ADGRB3: variants seen among roughly 807,000 people sequenced by gnomAD.
The protein encoded by ADGRB3 is brain-specific angiogenesis inhibitor 3.
A neutral mutation model predicts 193.4 loss-of-function variants in ADGRB3; 37 were observed. That is an observed-to-expected ratio of 0.19 (90% CI 0.15 to 0.25). ADGRB3 has a LOEUF of 0.25. ADGRB3 is among the 10% of genes least tolerant of loss of function. The pLI is 1.00. For missense variants in ADGRB3, 1,637 were observed against 1,852.9 expected (o/e 0.88, Z 2.14); for synonymous variants, 690 against 644.2 (o/e 1.07, Z -1.08).
At chr6:68,756,232 T>A (rs1766296711) in intron 3 of ADGRB3, among the ~76,000 whole-genome samples, 1 of 152,156 alleles carries the variant, frequency 6.6e-6, no homozygotes, top group Non-Finnish European at 1.5e-5. Context: ...ATGAAAAAAT[T>A]GCCTTGGTAT....
chr6:68,771,785 G>A (rs550619333), intron 3 of ADGRB3, among the ~76,000 whole-genome samples: 15 of 152,192 alleles, frequency 9.9e-5, no homozygotes, highest in African/African-American at 3.4e-4. Flanking sequence ...GGGTAGGGAA[G>A]GGGTTTTCTG....
intron 17 of ADGRB3, among the ~76,000 whole-genome samples, chr6:69,121,565 A>G (rs1773687752): frequency 6.6e-6 from 1 of 151,964 alleles, no homozygotes; most frequent in African/African-American, 2.4e-5. Flanking sequence ...AGCCTGGCAG[A>G]GGCACACCTC....
At chr6:68,997,362 A>G (rs13205140) in intron 11 of ADGRB3, among the ~76,000 whole-genome samples, 17,463 of 151,804 alleles carry the variant, frequency 0.12, 1,262 homozygotes, top group African/African-American at 0.21. Flanking sequence ...TGTGAATTAA[A>G]CCAGGCGCAG....
chr6:69,377,862 A>G (rs1256620339), intron 30 of ADGRB3, among the ~76,000 whole-genome samples: 3 of 152,102 alleles, frequency 2.0e-5, no homozygotes, highest in East Asian at 1.9e-4. Context: ...TTTACAAGTC[A>G]TTTGTATTAA....
intron 3 of ADGRB3, among the ~76,000 whole-genome samples, chr6:68,685,745 T>C (rs62416534): frequency 5.3e-5 from 8 of 151,304 alleles, no homozygotes; most frequent in Non-Finnish European, 7.4e-5. Context: ...AAAAAAAAAT[T>C]AGCCGGGCAT....
chr6:68,956,327 GTA>G (rs1296351991), intron 7 of ADGRB3, 139 bp downstream of exon 7: 3 of 855,530 alleles, frequency 3.5e-6, no homozygotes, highest in African/African-American at 1.7e-5. Flanking sequence ...GTGTGTGTGT[GTA>G]TACATGTATT....
intron 17 of ADGRB3, among the ~76,000 whole-genome samples, chr6:69,095,523 G>GGA (rs1473650513): frequency 6.6e-6 from 1 of 152,152 alleles, no homozygotes; most frequent in African/African-American, 2.4e-5. Flanking sequence ...GTAAGGCAGG[G>GGA]AAGACTGGTT....
chr6:69,026,728 A>G (rs899629771), intron 13 of ADGRB3, among the ~76,000 whole-genome samples: 1 of 152,220 alleles, frequency 6.6e-6, no homozygotes, highest in Non-Finnish European at 1.5e-5. Flanking sequence ...CTCCTAGGCT[A>G]CAAACCTACA....
chr6:68,716,359 C>T (rs1765489518), intron 3 of ADGRB3, among the ~76,000 whole-genome samples: 1 of 151,606 alleles, frequency 6.6e-6, no homozygotes, highest in Non-Finnish European at 1.5e-5. Flanking sequence ...ATTATCCTGC[C>T]TGATTCTTGC....
chr6:69,375,012 G>A (rs984932509), intron 30 of ADGRB3, among the ~76,000 whole-genome samples: 3 of 152,098 alleles, frequency 2.0e-5, no homozygotes, highest in Non-Finnish European at 4.4e-5. Flanking sequence ...GAAAAGGCAT[G>A]TAGGTTGGCT....
At chr6:69,285,551 A>C (rs768100186) in intron 20 of ADGRB3, among the ~76,000 whole-genome samples, 25 of 152,012 alleles carry the variant, frequency 1.6e-4, no homozygotes, top group Non-Finnish European at 2.1e-4. Context: ...GGTGCCTGTA[A>C]TCCCAGCTAC....
intron 13 of ADGRB3, among the ~76,000 whole-genome samples, chr6:69,036,479 AC>A (rs1444939677): frequency 6.6e-6 from 1 of 152,144 alleles, no homozygotes; most frequent in Non-Finnish European, 1.5e-5. Context: ...CACCAAACTC[AC>A]TATATGCTAA....
intron 17 of ADGRB3, among the ~76,000 whole-genome samples, chr6:69,140,672 AAAAG>A (rs780578889): frequency 6.6e-6 from 1 of 152,364 alleles, no homozygotes; most frequent in Non-Finnish European, 1.5e-5. Flanking sequence ...TTTGTAACAC[AAAAG>A]ATAAATGTTT....
At chr6:69,274,469 CT>C in intron 20 of ADGRB3, among the ~76,000 whole-genome samples, 4 of 144,960 alleles carry the variant, frequency 2.8e-5, no homozygotes, top group Admixed American at 6.9e-5. Flanking sequence ...TCCTTCCTTC[CT>C]TCCTTCCTCC....
intron 20 of ADGRB3, among the ~76,000 whole-genome samples, chr6:69,254,633 A>G (rs1255472263): frequency 1.3e-5 from 2 of 152,066 alleles, no homozygotes; most frequent in African/African-American, 2.4e-5. Flanking sequence ...ATGTTTAGAT[A>G]TATCTTATTG....
chr6:68,659,038 G>T (rs532966583), intron 3 of ADGRB3, among the ~76,000 whole-genome samples: 2 of 151,002 alleles, frequency 1.3e-5, no homozygotes, highest in South Asian at 4.2e-4. Flanking sequence ...TTTAATTTTT[G>T]TCTTTAAAAT....
At chr6:68,844,809 C>A (rs1011355806) in intron 3 of ADGRB3, among the ~76,000 whole-genome samples, 3 of 152,128 alleles carry the variant, frequency 2.0e-5, no homozygotes, top group African/African-American at 7.2e-5. Flanking sequence ...GAGACGATGT[C>A]ATTTGCAACA....
intron 3 of ADGRB3, among the ~76,000 whole-genome samples, chr6:68,828,111 G>A (rs1767880161): frequency 6.6e-6 from 1 of 152,098 alleles, no homozygotes; most frequent in African/African-American, 2.4e-5. Flanking sequence ...GAATTGATAA[G>A]CCTATTATGA....
At chr6:69,219,916 A>T (rs570887070) in intron 17 of ADGRB3, among the ~76,000 whole-genome samples, 4 of 152,104 alleles carry the variant, frequency 2.6e-5, no homozygotes, top group Admixed American at 2.0e-4. Flanking sequence ...GAAATGAGTT[A>T]TAAAGACAGG....
Sources: gnomAD v4.1 joint callset for allele counts (sites outside exome capture counted in the v4.1 genomes callset) on GRCh38, gnomAD v4.1.1 for gene constraint, MANE v1.5 for transcripts, NCBI Gene and HGNC (gene_info 2026-07-23, HGNC 2026-07-21) for gene names.